LANCL3: variants seen among roughly 807,000 people sequenced by gnomAD.
LANCL3 encodes the protein LanC like family member 3.
Under a neutral mutation model 26.5 loss-of-function variants are expected in LANCL3, and 19 were observed. The ratio of observed to expected loss-of-function variants is 0.72; its 90% CI spans 0.50 to 1.05. The LOEUF is 1.05. LANCL3 is among the 50% of genes least tolerant of loss of function. LANCL3 has a pLI of 0.00. For synonymous variants in LANCL3, 160 were observed against 166.6 expected (o/e 0.96, Z 0.30); for missense variants, 318 against 362.7 (o/e 0.88, Z 1.00).
intron 1 of LANCL3, among the ~76,000 whole-genome samples, chrX:37,625,812 A>G (rs782361160): frequency 2.7e-5 from 3 of 111,515 alleles, no homozygotes; most frequent in Non-Finnish European, 5.7e-5. Flanking sequence ...GTACTAGTCA[A>G]TTCTTGCTTT....
At chrX:37,633,841 T>TG (rs1925615912) in intron 1 of LANCL3, among the ~76,000 whole-genome samples, 1 of 111,700 alleles carries the variant, frequency 9.0e-6, no homozygotes, top group South Asian at 3.8e-4. Context: ...CTGCCCCTGC[T>TG]GGGGGGGTGC....
intron 1 of LANCL3, among the ~76,000 whole-genome samples, chrX:37,626,070 A>G (rs1275043427): frequency 1.1e-4 from 12 of 112,326 alleles, no homozygotes; most frequent in African/African-American, 3.9e-4. Flanking sequence ...AAAGCAGTAC[A>G]GTTACATGGC....
chrX:37,649,737 G>T (rs1291624134), intron 1 of LANCL3, among the ~76,000 whole-genome samples: 2 of 110,720 alleles, frequency 1.8e-5, no homozygotes, highest in Admixed American at 9.6e-5. Flanking sequence ...AGATATCAGA[G>T]GTCTCAAATG....
intron 3 of LANCL3, among the ~76,000 whole-genome samples, chrX:37,662,630 A>G (rs7882747): frequency 0.31 from 33,980 of 110,597 alleles, 5,554 homozygotes; most frequent in African/African-American, 0.65. Flanking sequence ...ATTAGATCCC[A>G]TATTTTCAAA....
rs782615049 is a variant in LANCL3, at chrX:37,667,487, A to G, written c.1101A>G (p.Gln367=). The change falls in exon 4 of 5, where the codon CAA becomes CAG. Residue 367 remains glutamine, a splice_region_variant and synonymous_variant. Transcript: ENST00000378619. ...ACTCTAAATACATCTACCGAGCTCA[A>G]AGGTCAGCTGTTCTTTATGGGTCTT... ...TGNSKYIYRA[Q]RFAQFLFTEE... The G allele has an allele frequency of 3.5e-6, 4 of 1,130,564 alleles. No individual in the cohort carries two copies. In the African/African-American group the frequency reaches 7.9e-5, roughly 22 times the overall value. 93.2% of individuals were successfully genotyped at this position (1,130,564 alleles called of 1,213,427 possible). A position where few individuals can be genotyped will look rare whatever the true frequency, so the allele number is the denominator to read the frequency against.
intron 1 of LANCL3, among the ~76,000 whole-genome samples, chrX:37,622,874 C>T (rs1441943792): frequency 8.9e-6 from 1 of 112,292 alleles, no homozygotes; most frequent in Non-Finnish European, 1.9e-5. Context: ...TACAACTGTA[C>T]ATTCCCATAA....
chrX:37,579,448 AG>A (rs1923840301), intron 1 of LANCL3, among the ~76,000 whole-genome samples: 1 of 111,937 alleles, frequency 8.9e-6, no homozygotes, highest in African/African-American at 3.3e-5. Context: ...ACCATGGGGC[AG>A]GTGGTTTACA....
intron 1 of LANCL3, among the ~76,000 whole-genome samples, chrX:37,651,953 C>T (rs1417934610): frequency 5.6e-5 from 6 of 107,276 alleles, no homozygotes; most frequent in Admixed American, 2.9e-4. Context: ...CTGCTTACTC[C>T]CTGTTGACCT....
intron 3 of LANCL3, among the ~76,000 whole-genome samples, chrX:37,660,994 C>T (rs1306929136): frequency 2.2e-5 from 2 of 89,140 alleles, no homozygotes; most frequent in African/African-American, 1.3e-4. Flanking sequence ...TTTAATTTGA[C>T]CTTTTTTGTG....
At chrX:37,647,706 G>A (rs1926024507) in intron 1 of LANCL3, among the ~76,000 whole-genome samples, 2 of 112,283 alleles carry the variant, frequency 1.8e-5, no homozygotes, top group South Asian at 3.7e-4. Flanking sequence ...CAAGGCCTAG[G>A]GTGGGAAGTC....
intron 1 of LANCL3, among the ~76,000 whole-genome samples, chrX:37,609,444 T>C (rs1924802536): frequency 1.8e-5 from 2 of 111,655 alleles, no homozygotes; most frequent in Admixed American, 9.5e-5. Context: ...GGAAGTGTTA[T>C]TGTGGATTAA....
intron 1 of LANCL3, among the ~76,000 whole-genome samples, chrX:37,606,776 C>T (rs1285121621): frequency 6.2e-5 from 7 of 112,181 alleles, no homozygotes; most frequent in Non-Finnish European, 5.6e-5. Flanking sequence ...TCAGCTTCCA[C>T]GCCCTAATCT....
At chrX:37,631,953 T>C (rs1177578812) in intron 1 of LANCL3, among the ~76,000 whole-genome samples, 1 of 110,986 alleles carries the variant, frequency 9.0e-6, no homozygotes, top group Admixed American at 9.6e-5. Context: ...GAGAGTTCTG[T>C]AGATGTCTAT....
intron 1 of LANCL3, among the ~76,000 whole-genome samples, chrX:37,582,863 T>G (rs1434286302): frequency 1.8e-5 from 2 of 112,189 alleles, no homozygotes; most frequent in Non-Finnish European, 3.8e-5. Context: ...GCCATTGCTT[T>G]TGGTGTTTTA....
At chrX:37,642,613 T>A (rs1271725810) in intron 1 of LANCL3, among the ~76,000 whole-genome samples, 1 of 112,067 alleles carries the variant, frequency 8.9e-6, no homozygotes, top group Non-Finnish European at 1.9e-5. Flanking sequence ...TATTTCCATG[T>A]ATTATGAAAC....
intron 3 of LANCL3, among the ~76,000 whole-genome samples, chrX:37,664,649 A>C: frequency 9.0e-6 from 1 of 111,375 alleles, no homozygotes; most frequent in Non-Finnish European, 1.9e-5. Context: ...TTGGCGTACA[A>C]AGGATTTTGT....
intron 1 of LANCL3, among the ~76,000 whole-genome samples, chrX:37,632,360 A>G (rs1254986387): frequency 1.8e-5 from 2 of 111,097 alleles, no homozygotes; most frequent in Admixed American, 9.6e-5. Flanking sequence ...TGCATGTGAG[A>G]TGGGTTTCCT....
At chrX:37,631,339 T>C (rs1556424266) in intron 1 of LANCL3, among the ~76,000 whole-genome samples, 1 of 111,815 alleles carries the variant, frequency 8.9e-6, no homozygotes, top group Non-Finnish European at 1.9e-5. Context: ...GATTCTTCTC[T>C]CCTTTCTTCT....
At chrX:37,649,684 T>G (rs782504134) in intron 1 of LANCL3, among the ~76,000 whole-genome samples, 1 of 111,892 alleles carries the variant, frequency 8.9e-6, no homozygotes, top group South Asian at 3.7e-4. Flanking sequence ...ATACCTTTAC[T>G]GCTGGTCCAT....
Sources: gnomAD v4.1 joint callset for allele counts (sites outside exome capture counted in the v4.1 genomes callset) on GRCh38, gnomAD v4.1.1 for gene constraint, MANE v1.5 for transcripts, NCBI Gene and HGNC (gene_info 2026-07-23, HGNC 2026-07-21) for gene names.